KIF13A: variants seen among roughly 807,000 people sequenced by gnomAD.
KIF13A encodes the protein kinesin-like protein KIF13A.
Under a neutral mutation model 212.2 loss-of-function variants are expected in KIF13A, and 79 were observed. The observed-to-expected ratio is 0.37, with a 90% CI of 0.31 to 0.45. The LOEUF (loss-of-function observed/expected upper bound fraction) is 0.45. KIF13A is among the 20% of genes least tolerant of loss of function. The pLI is 1.00. For synonymous variants in KIF13A, 789 were observed against 808.6 expected, an observed-to-expected ratio of 0.98 and a Z score of 0.41; for missense variants, 1,901 against 2,209.0, an observed-to-expected ratio of 0.86 and a Z score of 2.79.
At chr6:17,782,449 A>G (rs1201113030) in intron 29 of KIF13A, among the ~76,000 whole-genome samples, 4 of 151,846 alleles carry the variant, frequency 2.6e-5, no homozygotes, top group African/African-American at 7.2e-5. Flanking sequence ...AAGCCTGGCC[A>G]AGATGGTGAA....
intron 38 of KIF13A, chr6:17,770,361 A>ATTTTTTTTTTTTTTTTTTTTT (rs200616640): frequency 5.7e-4 from 68 of 119,438 alleles, no homozygotes; most frequent in Non-Finnish European, 9.2e-4. Flanking sequence ...AATAAACAGG[A>ATTTTTTTTTTTTTTTTTTTTT]TTTTTTTTTT....
chr6:17,764,621 G>A lies in KIF13A; in HGVS notation c.4907C>T (p.Ser1636Phe). The A allele has an allele frequency of 6.2e-7, 1 of 1,612,276 alleles. No homozygotes were observed. The highest frequency in any genetic ancestry group is 8.5e-7 in the Non-Finnish European group (1 of 1,179,272). Reference sequence around the variant, plus strand: ...GAAATCATGCACAAGCGATGGTGTGGAGTGCTCGGTGGAGTCTGCATCCTT... The same window carrying A: ...GAAATCATGCACAAGCGATGGTGTGAAGTGCTCGGTGGAGTCTGCATCCTT... ...QTKDADSTEH[S>F]TPSLVHDFRP... Residue 1636 changes from serine (S) to phenylalanine (F), a missense_variant, in exon 39 of 39, where the codon TCC (serine) becomes TTC (phenylalanine). This residue lies in a region of KIF13A where 687 missense variants were observed against 759.1 expected (regional missense o/e 0.90). Transcript: ENST00000259711. This position sits in a 1 kb window ranked among gnomAD's most constrained non-coding sequence, Gnocchi z 5.1.
chr6:17,817,022 CT>C lies in KIF13A; in HGVS notation c.1997del (p.Glu666GlyfsTer24). ...GCTGCCCCCGCTGCAGTTCTTACCTCTCTTCTGCCCACTGGGTCACCTTCTG... is the reference window on the plus strand; with the variant it reads ...GCTGCCCCCGCTGCAGTTCTTACCTCCTTCTGCCCACTGGGTCACCTTCTG... ...AQQKVTQWAE[E>X]RDELFRQSLA... is the part of the protein sequence containing the mutation. On this transcript the variant is annotated frameshift_variant, in exon 17 of 39. Transcript: ENST00000259711. LOFTEE classifies it high-confidence loss of function. 6.2e-7 allele frequency: 1 copy of C among 1,609,828 alleles called. No homozygotes were observed. The highest frequency in any genetic ancestry group is 1.1e-5 in the South Asian group (1 of 90,694).
chr6:17,845,986 G>A (rs1766995228), intron 9 of KIF13A, among the ~76,000 whole-genome samples: 1 of 151,048 alleles, frequency 6.6e-6, no homozygotes, highest in Non-Finnish European at 1.5e-5. Flanking sequence ...TTAAGTGGGA[G>A]GACGAGAGAA....
intron 2 of KIF13A, among the ~76,000 whole-genome samples, chr6:17,970,300 T>C (rs1336306735): frequency 6.6e-6 from 1 of 152,108 alleles, no homozygotes; most frequent in African/African-American, 2.4e-5. Context: ...AGTTTTTGTG[T>C]ATAGAAATAC....
chr6:17,829,590 G>A lies in KIF13A; in HGVS notation c.1402-1220C>T, dbSNP rs76665516. On this transcript the variant is annotated intron_variant, in intron 13 of 38. Coordinates refer to ENST00000259711, the MANE Select transcript of KIF13A (RefSeq NM_022113.6). The surrounding 1 kb of genome is among the most constrained non-coding windows in gnomAD (Gnocchi z 5.4). ...ACATACGAGGACTGTGACTATTGGT[G>A]ATTCAGCCACTGCTTATCCCATTTT... 0.025 allele frequency among the ~76,000 whole-genome samples: 3,861 copies of A among 152,254 alleles called. 74 individuals are homozygous for A. Among genetic ancestry groups the A allele is most frequent in the Non-Finnish European group, 0.04 (2,730 of 68,006 alleles).
At chr6:17,852,380 T>C (rs1468142877) in intron 6 of KIF13A, among the ~76,000 whole-genome samples, 1 of 152,188 alleles carries the variant, frequency 6.6e-6, no homozygotes, top group Admixed American at 6.5e-5. Flanking sequence ...ACCTTTCGGC[T>C]ATTTCATAAA....
chr6:17,960,549 A>T (rs942602041), intron 2 of KIF13A, among the ~76,000 whole-genome samples: 1 of 152,170 alleles, frequency 6.6e-6, no homozygotes, highest in African/African-American at 2.4e-5. Flanking sequence ...CAATACTATT[A>T]CCCAAAGAGG....
rs1778980113 is a variant in KIF13A, at chr6:17,963,030, G to T, written c.146+24024C>A. 6.6e-6 allele frequency among the ~76,000 whole-genome samples: 1 copy of T among 152,160 alleles called. No homozygotes were observed. Among genetic ancestry groups the T allele is most frequent in the South Asian group, 2.1e-4 (1 of 4,826 alleles). On this transcript the variant is annotated intron_variant, in intron 2 of 38. Transcript: ENST00000259711. This position sits in a 1 kb window ranked among gnomAD's most constrained non-coding sequence, Gnocchi z 4.1. ...ATAAAGATAATTGTTTATCCTATAT[G>T]ATTATAATTACATAACCAGCAGGTC... is the stretch of plus-strand genomic sequence containing the variant.
At chr6:17,863,424 T>TA (rs1361329324) in intron 4 of KIF13A, among the ~76,000 whole-genome samples, 3 of 150,840 alleles carry the variant, frequency 2.0e-5, no homozygotes, top group East Asian at 1.9e-4. Flanking sequence ...AAACCCAATA[T>TA]AAAAAACTAT....
Position 17,895,805 on chromosome 6 carries a change from A to C in KIF13A, c.159+2363T>G, listed in dbSNP as rs1472942259. On this transcript the variant is annotated intron_variant, in intron 3 of 38. Coordinates refer to ENST00000259711, the MANE Select transcript of KIF13A (RefSeq NM_022113.6). This position sits in a 1 kb window ranked among gnomAD's most constrained non-coding sequence, Gnocchi z 4.4. ...TTCCTCACTAACTTGGCTTATCTCC[A>C]GTGCCTTCAAGCACAAGTTTTTAAT... is the stretch of plus-strand genomic sequence containing the variant. Among the ~76,000 whole-genome samples, 3 of 152,178 alleles carry C rather than the reference A, an allele frequency of 2.0e-5. No homozygotes were observed. Among genetic ancestry groups the C allele is most frequent in the Admixed American group, 6.5e-5 (1 of 15,278 alleles).
chr6:17,797,486 A>G (rs983428418), intron 22 of KIF13A, among the ~76,000 whole-genome samples: 20 of 152,232 alleles, frequency 1.3e-4, no homozygotes, highest in African/African-American at 4.6e-4. Flanking sequence ...AGACTAACTC[A>G]ATGAACTGTT....
intron 2 of KIF13A, among the ~76,000 whole-genome samples, chr6:17,973,669 G>T (rs1161245372): frequency 1.3e-5 from 2 of 151,896 alleles, no homozygotes; most frequent in Non-Finnish European, 2.9e-5. Context: ...CAATTTTACA[G>T]ATGAAGAAAC....
At chr6:17,957,740 A>G (rs1255423591) in intron 2 of KIF13A, among the ~76,000 whole-genome samples, 1 of 152,176 alleles carries the variant, frequency 6.6e-6, no homozygotes, top group Admixed American at 6.5e-5. Flanking sequence ...ACCCCAAGAC[A>G]TTTGGCCACA....
intron 2 of KIF13A, among the ~76,000 whole-genome samples, chr6:17,972,369 C>T (rs1227055881): frequency 6.6e-6 from 1 of 152,044 alleles, no homozygotes; most frequent in Non-Finnish European, 1.5e-5. Flanking sequence ...AAAACAAAAC[C>T]AAAAACAGTA....
rs1356687691 is a variant in KIF13A at position 17,971,773 on chromosome 6, ACT to A, written c.146+15279_146+15280del. 6.6e-6 allele frequency among the ~76,000 whole-genome samples: 1 copy of A among 152,028 alleles called. No individual in the cohort carries two copies. Among genetic ancestry groups the A allele is most frequent in the Non-Finnish European group, 1.5e-5 (1 of 67,992 alleles). Reference sequence around the variant, plus strand: ...TCGGCATATTTAAAAGAGGCTGGGAACTCTCTGTTTATCCAAATTTTTATTTC... The same window carrying A: ...TCGGCATATTTAAAAGAGGCTGGGAACTCTGTTTATCCAAATTTTTATTTC... On this transcript the variant is annotated intron_variant, in intron 2 of 38. Transcript: ENST00000259711. This position sits in a 1 kb window ranked among gnomAD's most constrained non-coding sequence, Gnocchi z 4.2.
chr6:17,987,231 G>C lies in KIF13A; in HGVS notation c.56-87C>G. The C allele has an allele frequency of 1.7e-6, 2 of 1,172,578 alleles. No individual in the cohort carries two copies. Among genetic ancestry groups the C allele is most frequent in the Non-Finnish European group, 2.3e-6 (2 of 856,154 alleles). 72.6% of individuals were successfully genotyped at this position (1,172,578 alleles called of 1,614,324 possible). A position where few individuals can be genotyped will look rare whatever the true frequency, so the allele number is the denominator to read the frequency against. ...CGCCAGCCGCGCCGAGCGGGGCTCC[G>C]TCCCTGGAGGCGGCCGAGCCTGGAG... On this transcript the variant is annotated intron_variant, in intron 1 of 38. Transcript: ENST00000259711. The surrounding 1 kb of genome is among the most constrained non-coding windows in gnomAD (Gnocchi z 7.7).
chr6:17,803,553 C>A (rs563043895), intron 20 of KIF13A, among the ~76,000 whole-genome samples: 7 of 152,148 alleles, frequency 4.6e-5, no homozygotes, highest in Non-Finnish European at 1.0e-4. Flanking sequence ...TTATGCCTAC[C>A]TAGGCCACTA....
At chr6:17,942,428 G>GT (rs1362034089) in intron 2 of KIF13A, among the ~76,000 whole-genome samples, 1 of 151,832 alleles carries the variant, frequency 6.6e-6, no homozygotes, top group East Asian at 1.9e-4. Context: ...TTAAATTCTG[G>GT]TGTTGTCATT....
Sources: gnomAD v4.1 joint callset for allele counts (sites outside exome capture counted in the v4.1 genomes callset) on GRCh38, gnomAD v4.1.1 for gene constraint, gnomAD v4.1.1 regional missense constraint, Gnocchi (gnomAD v3.1) non-coding constraint, MANE v1.5 for transcripts, NCBI Gene and HGNC (gene_info 2026-07-23, HGNC 2026-07-21) for gene names.